Variants in SOX6 observed in about 807,000 individuals in gnomAD.
The protein encoded by SOX6 is transcription factor SOX-6.
Under a neutral mutation model 97.8 loss-of-function variants are expected in SOX6, and 11 were observed. That is an observed-to-expected ratio of 0.11 (90% confidence interval 0.07 to 0.19). The LOEUF (loss-of-function observed/expected upper bound fraction) is 0.19. SOX6 is among the 10% of genes least tolerant of loss of function. The pLI is 1.00. For missense variants in SOX6, 810 were observed against 1,039.5 expected (o/e 0.78, Z 3.04); for synonymous variants, 360 against 371.4 (o/e 0.97, Z 0.35).
At chr11:16,448,651 C>T (rs2133093438) in intron 1 of SOX6, among the ~76,000 whole-genome samples, 2 of 152,216 alleles carry the variant, frequency 1.3e-5, no homozygotes, top group Admixed American at 6.5e-5. Flanking sequence ...AGTGAATTGT[C>T]CTATATTTAA....
chr11:16,276,199 G>A lies in SOX6; in HGVS notation c.446-41528C>T, dbSNP rs537386844. Among the ~76,000 whole-genome samples, 172 of 152,186 alleles carry A rather than the reference G, an allele frequency of 1.1e-3. 3 individuals are homozygous for A. The South Asian group carries it at 0.036, about 32-fold the overall frequency. On this transcript the variant is annotated intron_variant, in intron 3 of 15. Transcript: ENST00000683767. ...TGTAACTCAAAATTATCTCTAAAGA[G>A]ACACAAAAATATGACTTCTCAGATT...
chr11:16,051,621 A>C (rs978378601), intron 10 of SOX6, among the ~76,000 whole-genome samples: 2 of 152,140 alleles, frequency 1.3e-5, no homozygotes, highest in African/African-American at 4.8e-5. Context: ...CTTTATTCAA[A>C]GGATGTTTGA....
At chr11:15,982,982 T>C (rs1347107619) in intron 15 of SOX6, among the ~76,000 whole-genome samples, 2 of 151,960 alleles carry the variant, frequency 1.3e-5, no homozygotes, top group Non-Finnish European at 2.9e-5. Context: ...AGAGGGAATA[T>C]TCTGGACACC....
intron 3 of SOX6, among the ~76,000 whole-genome samples, chr11:16,657,971 A>G (rs956266118): frequency 6.6e-6 from 1 of 152,200 alleles, no homozygotes. Flanking sequence ...ACTATATTCC[A>G]TTATTTCCCT....
intron 3 of SOX6, among the ~76,000 whole-genome samples, chr11:16,625,365 C>T (rs1005072721): frequency 2.6e-5 from 4 of 151,984 alleles, no homozygotes; most frequent in African/African-American, 7.3e-5. Context: ...AGATGAAATC[C>T]GTATATTGGT....
intron 4 of SOX6, among the ~76,000 whole-genome samples, chr11:16,190,407 T>A (rs1022275910): frequency 1.3e-5 from 2 of 152,170 alleles, no homozygotes; most frequent in Non-Finnish European, 2.9e-5. Flanking sequence ...AAAATATTTT[T>A]AAAATAATAA....
At chr11:16,639,337 G>C (rs1848852225) in intron 3 of SOX6, among the ~76,000 whole-genome samples, 1 of 152,208 alleles carries the variant, frequency 6.6e-6, no homozygotes, top group African/African-American at 2.4e-5. Context: ...ATAGTTTGAA[G>C]TCAGGTAGCA....
chr11:16,391,736 A>C (rs1395290006), intron 1 of SOX6, among the ~76,000 whole-genome samples: 8 of 152,090 alleles, frequency 5.3e-5, no homozygotes. Flanking sequence ...TATTCTTTCA[A>C]TCCTACCCTC....
intron 15 of SOX6, among the ~76,000 whole-genome samples, chr11:15,985,669 G>A (rs184243150): frequency 6.6e-4 from 100 of 152,290 alleles, no homozygotes; most frequent in Admixed American, 1.2e-3. Flanking sequence ...TCTGATTTAA[G>A]CAAGAAAATA....
intron 3 of SOX6, among the ~76,000 whole-genome samples, chr11:16,710,375 A>T (rs184073862): frequency 1.3e-5 from 2 of 152,314 alleles, no homozygotes; most frequent in East Asian, 3.9e-4. Flanking sequence ...CTAAGACTCA[A>T]TGATGTGAAA....
At chr11:16,539,287 A>T (rs192207752) in intron 4 of SOX6, among the ~76,000 whole-genome samples, 52 of 152,336 alleles carry the variant, frequency 3.4e-4, no homozygotes, top group Non-Finnish European at 6.6e-4. Flanking sequence ...CAAAGACACA[A>T]CATACCAGAA....
intron 13 of SOX6, among the ~76,000 whole-genome samples, chr11:15,998,942 ACT>A (rs1400789135): frequency 6.6e-6 from 1 of 152,096 alleles, no homozygotes; most frequent in Non-Finnish European, 1.5e-5. Flanking sequence ...AAAAATTAAA[ACT>A]CTGCTTATCA....
intron 1 of SOX6, among the ~76,000 whole-genome samples, chr11:16,372,502 T>C (rs1049648431): frequency 6.6e-6 from 1 of 152,070 alleles, no homozygotes; most frequent in Non-Finnish European, 1.5e-5. Flanking sequence ...AGTAAAGCAC[T>C]AACAGAGACT....
chr11:16,684,348 T>C (rs1010553940), intron 3 of SOX6, among the ~76,000 whole-genome samples: 2 of 152,124 alleles, frequency 1.3e-5, no homozygotes, highest in East Asian at 1.9e-4. Context: ...CCATCAATGA[T>C]AGATGGATTA....
chr11:16,484,141 C>A, intron 4 of SOX6: 2 of 776,530 alleles, frequency 2.6e-6, no homozygotes, highest in Non-Finnish European at 4.8e-6. Flanking sequence ...CAGGCTTATC[C>A]TTTAAGCCAG....
At chr11:16,158,788 A>G (rs1850667844) in intron 6 of SOX6, among the ~76,000 whole-genome samples, 1 of 151,812 alleles carries the variant, frequency 6.6e-6, no homozygotes, top group South Asian at 2.1e-4. Context: ...CACTTTTTCA[A>G]TTTATATTTG....
At chr11:16,732,609 T>C (rs540973193) in intron 2 of SOX6, among the ~76,000 whole-genome samples, 59 of 152,254 alleles carry the variant, frequency 3.9e-4, no homozygotes, top group African/African-American at 1.4e-3. Context: ...AAGACTTACA[T>C]GTAAGACCTA....
At chr11:16,656,738 A>C (rs1847721286) in intron 3 of SOX6, among the ~76,000 whole-genome samples, 1 of 152,156 alleles carries the variant, frequency 6.6e-6, no homozygotes. Flanking sequence ...TTAAATAAAA[A>C]ATTTACTATG....
At chr11:16,243,798 C>A (rs1395744608) in intron 3 of SOX6, among the ~76,000 whole-genome samples, 1 of 151,870 alleles carries the variant, frequency 6.6e-6, no homozygotes, top group Non-Finnish European at 1.5e-5. Flanking sequence ...TGGATTCATT[C>A]ACTCAGCATA....
Sources: gnomAD v4.1 joint callset for allele counts (sites outside exome capture counted in the v4.1 genomes callset) on GRCh38, gnomAD v4.1.1 for gene constraint, MANE v1.5 for transcripts, NCBI Gene and HGNC (gene_info 2026-07-23, HGNC 2026-07-21) for gene names.